The following GPR137B variants were observed in gnomAD, a reference collection of about 807,000 sequenced individuals.
GPR137B encodes G protein-coupled receptor 137B.
GPR137B carries 42 observed loss-of-function variants against 42.5 expected under a neutral mutation model. The observed-to-expected ratio is 0.99, with a 90% CI of 0.77 to 1.28. The LOEUF (loss-of-function observed/expected upper bound fraction) is 1.28. Among genes scored for constraint, GPR137B ranks in the 50% most tolerant of loss-of-function variants. The pLI is 0.00. For synonymous variants in GPR137B, 218 were observed against 209.7 expected, an observed-to-expected ratio of 1.04 and a Z score of -0.34; for missense variants, 487 against 493.9, an observed-to-expected ratio of 0.99 and a Z score of 0.13.
intron 1 of GPR137B, among the ~76,000 whole-genome samples, chr1:236,151,702 G>A (rs951791803): frequency 2.6e-5 from 4 of 152,264 alleles, no homozygotes; most frequent in Admixed American, 6.5e-5. Flanking sequence ...GATTACAGGC[G>A]TGAGCCACTG....
At chr1:236,146,785 C>G (rs998115990) in intron 1 of GPR137B, among the ~76,000 whole-genome samples, 1 of 152,204 alleles carries the variant, frequency 6.6e-6, no homozygotes, top group Admixed American at 6.5e-5. Context: ...CTAATGACCT[C>G]TCAGGCAGAT....
rs1661995981 is a variant in GPR137B at position 236,155,476 on chromosome 1, C to T, written c.414+12440C>T. ...TCAGAAAAGCAGGGAGACTGAAGGA[C>T]GGCGTTTGGTGTGGCTTTAGGTTGA... On this transcript the variant is annotated intron_variant, in intron 1 of 6. Coordinates refer to ENST00000366592, the MANE Select transcript of GPR137B (RefSeq NM_003272.4). This position sits in a 1 kb window ranked among gnomAD's most constrained non-coding sequence, Gnocchi z 4.6. Among the ~76,000 whole-genome samples, 1 of 152,140 alleles carries T rather than the reference C, an allele frequency of 6.6e-6. No individual in the cohort carries two copies. The highest frequency in any genetic ancestry group is 2.1e-4 in the South Asian group (1 of 4,818).
At chr1:236,148,509 A>T (rs988237252) in intron 1 of GPR137B, among the ~76,000 whole-genome samples, 43 of 152,120 alleles carry the variant, frequency 2.8e-4, no homozygotes, top group Non-Finnish European at 5.9e-5. Flanking sequence ...GGAAATGGAG[A>T]AGCGAGTTCT....
intron 1 of GPR137B, among the ~76,000 whole-genome samples, chr1:236,153,970 A>G (rs1002236653): frequency 6.6e-6 from 1 of 152,166 alleles, no homozygotes; most frequent in African/African-American, 2.4e-5. Flanking sequence ...GGAAGTCGTC[A>G]CCTGTGACTT....
At chr1:236,185,273 T>G (rs1407312675) in intron 5 of GPR137B, among the ~76,000 whole-genome samples, 1 of 152,194 alleles carries the variant, frequency 6.6e-6, no homozygotes, top group African/African-American at 2.4e-5. Context: ...GGTGGGGCAT[T>G]TCTTAAAAAT....
At chr1:236,174,512 G>A (rs1251769851) in intron 2 of GPR137B, among the ~76,000 whole-genome samples, 1 of 152,210 alleles carries the variant, frequency 6.6e-6, no homozygotes, top group Non-Finnish European at 1.5e-5. Context: ...TCAGAGGCAT[G>A]AGACTGTGTG....
At chr1:236,206,119 G>A (rs1440582823) in intron 6 of GPR137B, among the ~76,000 whole-genome samples, 2 of 152,162 alleles carry the variant, frequency 1.3e-5, no homozygotes, top group African/African-American at 4.8e-5. Flanking sequence ...CAATTTTCAT[G>A]AATACTTATT....
chr1:236,184,968 T>C (rs12073310), intron 5 of GPR137B, among the ~76,000 whole-genome samples: 12,342 of 152,108 alleles, frequency 0.081, 1,446 homozygotes, highest in African/African-American at 0.26. Flanking sequence ...GGTTTTACTA[T>C]GTTGGCCAGG....
At chr1:236,199,725 T>G (rs1276082379) in intron 5 of GPR137B, among the ~76,000 whole-genome samples, 1 of 152,024 alleles carries the variant, frequency 6.6e-6, no homozygotes, top group Non-Finnish European at 1.5e-5. Context: ...TGTTTCTAAT[T>G]GAGCTTATTT....
In GPR137B at chr1:236,179,959, C is replaced by T; in HGVS notation, c.768C>T (p.Phe256=). The T allele has an allele frequency of 6.2e-7, 1 of 1,612,852 alleles. No homozygotes were observed. Among genetic ancestry groups the T allele is most frequent in the Non-Finnish European group, 8.5e-7 (1 of 1,178,888 alleles). Residue 256 remains phenylalanine (F), a synonymous_variant, in exon 4 of 7, where the codon TTC becomes TTT. Coordinates refer to ENST00000366592, the MANE Select transcript of GPR137B (RefSeq NM_003272.4). ...LYTSRACYNL[F]ILSFSQNKSV... ...CCTCTCGGGCCTGCTACAACCTGTT[C>T]ATCCTGTCATTTTCTCAGAACAAGA... is the stretch of plus-strand genomic sequence containing the variant.
chr1:236,208,274 T>C lies in GPR137B; in HGVS notation c.*116T>C. On this transcript the variant is annotated 3_prime_UTR_variant, in exon 7 of 7. Coordinates refer to ENST00000366592, the MANE Select transcript of GPR137B (RefSeq NM_003272.4). ...GAAATAGAACTTGATTTTTATTTGT[T>C]ACAGGTTTCCAATGGCCCCATAGGA... 6.8e-7 allele frequency: 1 copy of C among 1,478,286 alleles called. No homozygotes were observed. Among genetic ancestry groups the C allele is most frequent in the Non-Finnish European group, 8.9e-7 (1 of 1,118,840 alleles). The allele number at this position is 1,478,286 out of a possible 1,614,324, so 91.6% of individuals were successfully genotyped here. A position where few individuals can be genotyped will look rare whatever the true frequency, so the allele number is the denominator to read the frequency against.
chr1:236,167,806 A>G (rs1392531746), intron 1 of GPR137B, among the ~76,000 whole-genome samples: 2 of 152,144 alleles, frequency 1.3e-5, no homozygotes, highest in African/African-American at 4.8e-5. Flanking sequence ...CTGTAGCAGT[A>G]GCAGCCTCCT....
At chr1:236,188,032 G>A (rs528738532) in intron 5 of GPR137B, among the ~76,000 whole-genome samples, 2 of 152,160 alleles carry the variant, frequency 1.3e-5, no homozygotes, top group Admixed American at 6.5e-5. Flanking sequence ...GTTCTCCTTG[G>A]AGAGGTCCTT....
At chr1:236,191,159 G>T (rs1047664937) in intron 5 of GPR137B, among the ~76,000 whole-genome samples, 4 of 152,016 alleles carry the variant, frequency 2.6e-5, no homozygotes, top group African/African-American at 9.7e-5. Flanking sequence ...TATGCTTCAC[G>T]AAGTTCTTGT....
intron 1 of GPR137B, among the ~76,000 whole-genome samples, chr1:236,152,243 C>G (rs548716673): frequency 6.6e-6 from 1 of 151,608 alleles, no homozygotes; most frequent in South Asian, 2.1e-4. Flanking sequence ...AGGAGGTTCG[C>G]TTGAGCCCAG....
chr1:236,172,130 G>A (rs1342616987), intron 2 of GPR137B, among the ~76,000 whole-genome samples: 4 of 151,964 alleles, frequency 2.6e-5, no homozygotes, highest in Non-Finnish European at 5.9e-5. Context: ...GGACATGCCT[G>A]TTAACCCAGT....
intron 1 of GPR137B, among the ~76,000 whole-genome samples, chr1:236,147,488 A>C (rs955223900): frequency 6.6e-6 from 1 of 152,130 alleles, no homozygotes; most frequent in Admixed American, 6.5e-5. Flanking sequence ...CCATGGGATC[A>C]CTGAGGCCCC....
At chr1:236,153,139 A>G (rs1661918048) in intron 1 of GPR137B, among the ~76,000 whole-genome samples, 1 of 152,202 alleles carries the variant, frequency 6.6e-6, no homozygotes, top group African/African-American at 2.4e-5. Flanking sequence ...TTGACACAAT[A>G]TGAAATTAAC....
chr1:236,146,516 C>T (rs191788990), intron 1 of GPR137B, among the ~76,000 whole-genome samples: 2 of 152,244 alleles, frequency 1.3e-5, no homozygotes, highest in South Asian at 2.1e-4. Flanking sequence ...GGTCCCTGTA[C>T]CTGGGCCTTA....
Sources: allele counts gnomAD v4.1 joint callset (sites outside exome capture counted in the v4.1 genomes callset), GRCh38; gene constraint gnomAD v4.1.1; non-coding constraint Gnocchi (gnomAD v3.1); transcripts MANE v1.5; gene names NCBI Gene and HGNC (gene_info 2026-07-23, HGNC 2026-07-21).